Variants in PLD1 observed in about 807,000 individuals in gnomAD.
PLD1 encodes phospholipase D1, also known as choline phosphatase 1.
In PLD1, 112 loss-of-function variants were observed where a neutral mutation model predicts 137.1. That is an observed-to-expected ratio of 0.82 (90% confidence interval 0.70 to 0.96). PLD1 has a LOEUF of 0.96. PLD1 is among the 40% of genes least tolerant of loss of function. The pLI, the probability that PLD1 is intolerant of heterozygous loss-of-function variation, is 0.00. For synonymous variants in PLD1, 431 were observed against 454.7 expected (o/e 0.95, Z 0.66); for missense variants, 1,321 against 1,342.0 (o/e 0.98, Z 0.24).
At chr3:171,759,941 A>G (rs1017145332) in intron 1 of PLD1, among the ~76,000 whole-genome samples, 1 of 152,236 alleles carries the variant, frequency 6.6e-6, no homozygotes. Context: ...CCCCAAGGGC[A>G]GAAGCTCTGC....
chr3:171,750,111 G>A (rs916490948), intron 1 of PLD1, among the ~76,000 whole-genome samples: 1 of 152,222 alleles, frequency 6.6e-6, no homozygotes, highest in Non-Finnish European at 1.5e-5. Flanking sequence ...GAAGAGTAGA[G>A]ACCAATCCTG....
intron 13 of PLD1, among the ~76,000 whole-genome samples, chr3:171,691,417 T>C (rs1715140430): frequency 7.0e-6 from 1 of 142,844 alleles, no homozygotes; most frequent in African/African-American, 2.5e-5. Flanking sequence ...TTTTGTTTGG[T>C]TGATTTTTTG....
At chr3:171,772,796 TC>T (rs1722435807) in intron 1 of PLD1, among the ~76,000 whole-genome samples, 1 of 152,186 alleles carries the variant, frequency 6.6e-6, no homozygotes, top group Admixed American at 6.5e-5. Context: ...ATTAAATTTT[TC>T]CCCACAATAG....
chr3:171,793,044 A>C, intron 1 of PLD1: 1 of 234,706 alleles, frequency 4.3e-6, no homozygotes, highest in South Asian at 5.3e-5. Context: ...CAAACCAGTG[A>C]AATTTGCGTG....
intron 21 of PLD1, among the ~76,000 whole-genome samples, chr3:171,655,996 T>A (rs1186211353): frequency 6.6e-6 from 1 of 152,142 alleles, no homozygotes; most frequent in African/African-American, 2.4e-5. Flanking sequence ...ATGTGCTCTG[T>A]CAAACTCCAA....
At chr3:171,780,893 T>C (rs1041940639) in intron 1 of PLD1, among the ~76,000 whole-genome samples, 1 of 152,234 alleles carries the variant, frequency 6.6e-6, no homozygotes, top group Admixed American at 6.5e-5. Context: ...CTCCACAAAC[T>C]GATCTATAGA....
intron 1 of PLD1, among the ~76,000 whole-genome samples, chr3:171,764,908 GAAGGAAAGAAAGAAAGGAAAGA>G (rs1721795080): frequency 3.6e-5 from 1 of 27,736 alleles, no homozygotes; most frequent in African/African-American, 1.3e-4. Flanking sequence ...AGGAAGGAAG[GAAGGAAAGAAAGAAAGGAAAGA>G]AAGGAAAGAA....
chr3:171,776,997 T>A (rs1241968555), intron 1 of PLD1, among the ~76,000 whole-genome samples: 2 of 152,172 alleles, frequency 1.3e-5, no homozygotes. Flanking sequence ...CCTTCTCATA[T>A]AATACATGAC....
At chr3:171,764,892 AAAGGAAGGAAGG>A (rs61475367) in intron 1 of PLD1, among the ~76,000 whole-genome samples, 1,261 of 20,352 alleles carry the variant, frequency 0.062, 160 homozygotes, top group South Asian at 0.083. Flanking sequence ...AGAAAGAAAG[AAAGGAAGGAAGG>A]AAGGAAGGAA....
intron 8 of PLD1, among the ~76,000 whole-genome samples, chr3:171,715,174 G>A (rs1334526203): frequency 6.6e-6 from 1 of 152,118 alleles, no homozygotes; most frequent in Non-Finnish European, 1.5e-5. Context: ...TGATATCAAA[G>A]GGTAACCCCG....
At chr3:171,682,709 A>C (rs1027374503) in intron 16 of PLD1, among the ~76,000 whole-genome samples, 14 of 152,172 alleles carry the variant, frequency 9.2e-5, no homozygotes, top group Non-Finnish European at 2.1e-4. Flanking sequence ...TCCAATAATT[A>C]AAACAGATAC....
chr3:171,660,855 G>C (rs889329503), intron 20 of PLD1, among the ~76,000 whole-genome samples: 1 of 151,932 alleles, frequency 6.6e-6, no homozygotes, highest in Non-Finnish European at 1.5e-5. Context: ...TGATCCACCC[G>C]CCTTGGCCCC....
At chr3:171,655,478 C>T (rs1034975425) in intron 21 of PLD1, among the ~76,000 whole-genome samples, 9 of 152,174 alleles carry the variant, frequency 5.9e-5, no homozygotes, top group Non-Finnish European at 1.2e-4. Context: ...CCTCTTGCCT[C>T]AGCCTCCAAG....
intron 24 of PLD1, among the ~76,000 whole-genome samples, chr3:171,615,305 A>T (rs935339469): frequency 2.6e-5 from 4 of 152,348 alleles, no homozygotes; most frequent in Admixed American, 2.6e-4. Context: ...TTTACTCTAT[A>T]AGCATCCTTC....
chr3:171,636,214 G>T (rs1735122143), intron 23 of PLD1, among the ~76,000 whole-genome samples: 1 of 151,756 alleles, frequency 6.6e-6, no homozygotes, highest in African/African-American at 2.4e-5. Context: ...TCACGTATGT[G>T]ACACCTCCAA....
chr3:171,621,859 T>C (rs1733666454), intron 23 of PLD1, among the ~76,000 whole-genome samples: 1 of 152,184 alleles, frequency 6.6e-6, no homozygotes, highest in Non-Finnish European at 1.5e-5. Flanking sequence ...CTCAGACCTA[T>C]AAAATTCCTG....
chr3:171,725,307 G>A (rs1471076988), intron 7 of PLD1, among the ~76,000 whole-genome samples: 1 of 152,198 alleles, frequency 6.6e-6, no homozygotes, highest in Non-Finnish European at 1.5e-5. Context: ...TCCACCTGCT[G>A]TTGAGACCAT....
At chr3:171,637,061 T>C (rs1735188842) in intron 23 of PLD1, among the ~76,000 whole-genome samples, 1 of 152,248 alleles carries the variant, frequency 6.6e-6, no homozygotes, top group Non-Finnish European at 1.5e-5. Flanking sequence ...TCTATTAACA[T>C]GATGCATTAC....
At chr3:171,677,426 A>T in intron 17 of PLD1, 140 bp downstream of exon 17, 1 of 730,226 alleles carries the variant, frequency 1.4e-6, no homozygotes, top group Non-Finnish European at 2.2e-6. Flanking sequence ...GACTAAATCT[A>T]GTCTCCAAAG....
Sources: gnomAD v4.1 joint callset for allele counts (sites outside exome capture counted in the v4.1 genomes callset) on GRCh38, gnomAD v4.1.1 for gene constraint, MANE v1.5 for transcripts, NCBI Gene and HGNC (gene_info 2026-07-23, HGNC 2026-07-21) for gene names.